SNAP25: variants seen among roughly 807,000 people sequenced by gnomAD.
The protein encoded by SNAP25 is synaptosomal-associated protein 25.
A neutral mutation model predicts 28.7 loss-of-function variants in SNAP25; 3 were observed. The ratio of observed to expected loss-of-function variants is 0.10; its 90% CI spans 0.05 to 0.27. The LOEUF (loss-of-function observed/expected upper bound fraction) is 0.27. Among genes scored for constraint, SNAP25 ranks in the 10% least tolerant of loss-of-function variants. SNAP25 has a pLI of 1.00. For synonymous variants in SNAP25, 61 were observed against 88.1 expected (o/e 0.69, Z 1.72); for missense variants, 117 against 278.7 (o/e 0.42, Z 4.13).
At chr20:10,270,809 A>T (rs1307272522) in intron 1 of SNAP25, among the ~76,000 whole-genome samples, 1 of 152,192 alleles carries the variant, frequency 6.6e-6, no homozygotes, top group African/African-American at 2.4e-5. Context: ...AGGTTTCTGC[A>T]TATTCTGACT....
At chr20:10,259,792 C>A (rs1426717789) in intron 1 of SNAP25, among the ~76,000 whole-genome samples, 1 of 152,194 alleles carries the variant, frequency 6.6e-6, no homozygotes, top group Non-Finnish European at 1.5e-5. Context: ...CTGCCTTGAC[C>A]TCCCAAAATG....
At chr20:10,303,204 T>C (rs1290145349) in intron 7 of SNAP25, among the ~76,000 whole-genome samples, 1 of 152,148 alleles carries the variant, frequency 6.6e-6, no homozygotes. Context: ...TCTGATACCA[T>C]TTGTAGCTGG....
chr20:10,292,382 C>T (rs1274166648), intron 4 of SNAP25, among the ~76,000 whole-genome samples: 1 of 152,162 alleles, frequency 6.6e-6, no homozygotes, highest in Non-Finnish European at 1.5e-5. Context: ...AAAAGACATC[C>T]ATACCCATTG....
At chr20:10,244,207 G>A (rs754844117) in intron 1 of SNAP25, among the ~76,000 whole-genome samples, 1 of 152,046 alleles carries the variant, frequency 6.6e-6, no homozygotes, top group Non-Finnish European at 1.5e-5. Flanking sequence ...TAATAGTCGT[G>A]GTAATAATTG....
chr20:10,241,542 C>G (rs2063033419), intron 1 of SNAP25, among the ~76,000 whole-genome samples: 1 of 151,980 alleles, frequency 6.6e-6, no homozygotes, highest in Non-Finnish European at 1.5e-5. Flanking sequence ...AGAAAAATAT[C>G]AGATGGGGAT....
intron 1 of SNAP25, among the ~76,000 whole-genome samples, chr20:10,233,351 T>C (rs1600650498): frequency 1.3e-5 from 2 of 152,182 alleles, no homozygotes; most frequent in East Asian, 3.9e-4. Context: ...CATGTAAGCT[T>C]TATGAAAATA....
At chr20:10,305,247 G>GA (rs931715242) in intron 7 of SNAP25, among the ~76,000 whole-genome samples, 5 of 151,978 alleles carry the variant, frequency 3.3e-5, no homozygotes, top group Non-Finnish European at 5.9e-5. Flanking sequence ...TGTATTTATT[G>GA]AAAAAAAATC....
chr20:10,277,829 C>A (rs1422981780), intron 3 of SNAP25, 103 bp downstream of exon 3: 5 of 1,078,740 alleles, frequency 4.6e-6, no homozygotes, highest in Non-Finnish European at 7.0e-6. Context: ...CCCCTAGATT[C>A]CAGTGTGGAT....
chr20:10,292,878 C>T (rs2064029539), intron 4 of SNAP25: 1 of 1,593,878 alleles, frequency 6.3e-7, no homozygotes, highest in African/African-American at 1.4e-5. Flanking sequence ...TTTGTCCTAA[C>T]CAGAACAACT....
rs149391221 is a variant in SNAP25, at chr20:10,270,781, C to T, written c.-63-4648C>T. Among the ~76,000 whole-genome samples, 356 of 152,210 alleles carry T rather than the reference C, an allele frequency of 2.3e-3. 1 individual carries two copies. Among genetic ancestry groups the T allele is most frequent in the African/African-American group, 8.0e-3 (334 of 41,516 alleles). On this transcript the variant is annotated intron_variant, in intron 1 of 7. Coordinates refer to ENST00000254976, the MANE Select transcript of SNAP25 (RefSeq NM_130811.4). ...AATTAGAATCCCTGAGGGTAGGGCCCAGCAATCCATTTTAACAAGGTTTCT... is the reference window on the plus strand; with the variant it reads ...AATTAGAATCCCTGAGGGTAGGGCCTAGCAATCCATTTTAACAAGGTTTCT...
intron 2 of SNAP25, among the ~76,000 whole-genome samples, chr20:10,277,062 G>A (rs982440551): frequency 6.6e-6 from 1 of 152,224 alleles, no homozygotes; most frequent in South Asian, 2.1e-4. Context: ...TGAGAAAAAA[G>A]TGACAACGCA....
chr20:10,248,433 C>A (rs1269453064), intron 1 of SNAP25, among the ~76,000 whole-genome samples: 1 of 152,086 alleles, frequency 6.6e-6, no homozygotes, highest in East Asian at 1.9e-4. Context: ...TAACCATAAT[C>A]TCATGTGCAG....
intron 1 of SNAP25, among the ~76,000 whole-genome samples, chr20:10,266,377 G>A (rs1987879121): frequency 6.6e-6 from 1 of 152,144 alleles, no homozygotes; most frequent in Admixed American, 6.5e-5. Flanking sequence ...ATATTCCCAT[G>A]CCATTACAGT....
intron 7 of SNAP25, among the ~76,000 whole-genome samples, chr20:10,305,184 C>T (rs1057039053): frequency 4.6e-5 from 7 of 152,088 alleles, no homozygotes; most frequent in Admixed American, 1.3e-4. Context: ...CTAAGTAACA[C>T]ATTCATCTGC....
intron 6 of SNAP25, among the ~76,000 whole-genome samples, chr20:10,297,995 A>C (rs1415280203): frequency 6.6e-6 from 1 of 151,926 alleles, no homozygotes; most frequent in Non-Finnish European, 1.5e-5. Flanking sequence ...AAAAAAAAAA[A>C]AAACTCAAGT....
rs549938738 is a variant in SNAP25, at chr20:10,288,016, G to C, written c.163+3244G>C. On this transcript the variant is annotated intron_variant, in intron 4 of 7. Coordinates refer to ENST00000254976, the MANE Select transcript of SNAP25 (RefSeq NM_130811.4). ...ACACTCTGGGGACTCTTGTGGGGTG[G>C]GGGGAGAGGGGAGGGATAGCTTTAG... Among the ~76,000 whole-genome samples the C allele has an allele frequency of 5.3e-5, 8 of 151,962 alleles. No homozygotes were observed. The East Asian group carries it at 1.4e-3, about 26-fold the overall frequency.
At position 10,303,341 on chromosome 20, in the gene SNAP25, A is replaced by C. The variant is rs1049260693; in HGVS notation, c.553-2788A>C. Among the ~76,000 whole-genome samples the C allele has an allele frequency of 4.6e-5, 7 of 152,190 alleles. No individual in the cohort carries two copies. In the South Asian group the frequency reaches 1.5e-3, roughly 32 times the overall value. On this transcript the variant is annotated intron_variant, in intron 7 of 7. Coordinates refer to ENST00000254976, the MANE Select transcript of SNAP25 (RefSeq NM_130811.4). ...AATCAATGCCCTATCTTACTATGTA[A>C]ATACTGATTTTAAAAGACAAGTGTC...
intron 6 of SNAP25, among the ~76,000 whole-genome samples, chr20:10,298,235 C>A (rs969172255): frequency 6.6e-6 from 1 of 152,112 alleles, no homozygotes; most frequent in African/African-American, 2.4e-5. Flanking sequence ...GCACTCAGGG[C>A]CAAGCACCAT....
intron 1 of SNAP25, among the ~76,000 whole-genome samples, chr20:10,262,461 T>A (rs2122897875): frequency 6.6e-6 from 1 of 152,312 alleles, no homozygotes; most frequent in African/African-American, 2.4e-5. Flanking sequence ...TGTGGAGTCT[T>A]CAAATCCAAG....
Sources: gnomAD v4.1 joint callset for allele counts (sites outside exome capture counted in the v4.1 genomes callset) on GRCh38, gnomAD v4.1.1 for gene constraint, MANE v1.5 for transcripts, NCBI Gene and HGNC (gene_info 2026-07-23, HGNC 2026-07-21) for gene names.